TBC1D1: variants seen among roughly 807,000 people sequenced by gnomAD.
TBC1D1 encodes TBC1 (tre-2/USP6, BUB2, cdc16) domain family, member 1.
In TBC1D1, 89 loss-of-function variants were observed where a neutral mutation model predicts 125.6. The observed-to-expected ratio is 0.71, with a 90% CI of 0.60 to 0.85. TBC1D1 has a LOEUF of 0.85. TBC1D1 is among the 40% of genes least tolerant of loss of function. The pLI, the probability that TBC1D1 is intolerant of heterozygous loss-of-function variation, is 0.00. For missense variants in TBC1D1, 1,377 were observed against 1,469.2 expected (o/e 0.94, Z 1.03); for synonymous variants, 565 against 564.1 (o/e 1.00, Z -0.02).
chr4:37,917,682 CT>C (rs1720026989), intron 2 of TBC1D1, among the ~76,000 whole-genome samples: 1 of 152,102 alleles, frequency 6.6e-6, no homozygotes, highest in African/African-American at 2.4e-5. Context: ...GGATGCCGGG[CT>C]TCTCTTTCCC....
At chr4:38,027,643 A>T (rs1394186728) in intron 6 of TBC1D1, 145 bp from the exon 7 acceptor site, 8 of 505,852 alleles carry the variant, frequency 1.6e-5, no homozygotes, top group Admixed American at 7.3e-5. Flanking sequence ...GTCAAAAAAA[A>T]AAATAAAATA....
intron 15 of TBC1D1, 110 bp downstream of exon 17, chr4:38,103,267 A>G (rs978034852): frequency 1.8e-6 from 2 of 1,103,966 alleles, no homozygotes; most frequent in African/African-American, 3.2e-5. Context: ...TAGCAATCAA[A>G]ATTTACTACT....
rs16994255 is a variant in TBC1D1 at position 38,132,964 on chromosome 4, G to A, written c.3133-120G>A. The A allele has an allele frequency of 6.8e-3, 5,030 of 744,180 alleles. 181 individuals carry two copies. The African/African-American group carries it at 0.079, about 12-fold the overall frequency. 46.1% of individuals were successfully genotyped at this position (744,180 alleles called of 1,614,324 possible). ...TTATTTATTACTTCTAGTACCAAGT[G>A]TAGAGCTAAGCGTAGAGGAGACGCT... On this transcript the variant is annotated intron_variant, in intron 18 of 19. Coordinates refer to ENST00000261439, the MANE Select transcript of TBC1D1 (RefSeq NM_015173.4).
At chr4:38,066,264 AC>A (rs1170943521) in intron 12 of TBC1D1, among the ~76,000 whole-genome samples, 14 of 128,382 alleles carry the variant, frequency 1.1e-4, no homozygotes, top group African/African-American at 4.4e-4. Context: ...ATTATTAGCA[AC>A]TTTTTTTTTT....
intron 2 of TBC1D1, among the ~76,000 whole-genome samples, chr4:37,918,635 A>C (rs536499827): frequency 6.6e-6 from 1 of 152,080 alleles, no homozygotes; most frequent in Non-Finnish European, 1.5e-5. Context: ...TTTAGTAGAG[A>C]TGGGTTTTCA....
chr4:37,934,993 G>A (rs1236206147), intron 2 of TBC1D1, among the ~76,000 whole-genome samples: 2 of 152,070 alleles, frequency 1.3e-5, no homozygotes, highest in East Asian at 3.8e-4. Flanking sequence ...AATGGCAGAG[G>A]GAAAAGAGAC....
intron 15 of TBC1D1, among the ~76,000 whole-genome samples, chr4:38,103,897 C>T (rs1281114710): frequency 6.6e-6 from 1 of 151,564 alleles, no homozygotes; most frequent in Non-Finnish European, 1.5e-5. Context: ...CAGTGGCTCA[C>T]GCCTGTAATC....
chr4:37,910,870 C>T (rs1261950722), intron 2 of TBC1D1, among the ~76,000 whole-genome samples: 1 of 151,962 alleles, frequency 6.6e-6, no homozygotes, highest in Non-Finnish European at 1.5e-5. Context: ...GTTGTTGTTA[C>T]ACGTTGTATG....
intron 1 of TBC1D1, among the ~76,000 whole-genome samples, chr4:37,899,541 G>A (rs997648673): frequency 6.6e-6 from 1 of 151,760 alleles, no homozygotes; most frequent in African/African-American, 2.4e-5. Flanking sequence ...GAAGCTCTCC[G>A]GGCTTCAGTT....
At chr4:38,043,052 C>T (rs1748695024) in intron 8 of TBC1D1, among the ~76,000 whole-genome samples, 1 of 152,014 alleles carries the variant, frequency 6.6e-6, no homozygotes, top group Admixed American at 6.5e-5. Context: ...CAGGTGTGCG[C>T]CACTACACCC....
Position 38,082,486 on chromosome 4 carries a change from T to C in TBC1D1, c.2051-7446T>C, listed in dbSNP as rs570296843. Among the ~76,000 whole-genome samples, 7 of 152,358 alleles carry C rather than the reference T, an allele frequency of 4.6e-5. No homozygotes were observed. The South Asian group carries it at 1.5e-3, about 32-fold the overall frequency. On this transcript the variant is annotated intron_variant, in intron 12 of 19. Transcript: ENST00000261439. ...CTGAGGCGGAATATTTGTTTCTCTT[T>C]AGTTTTGTTGTCTTTAATCAAGAAC...
At chr4:37,952,881 T>A (rs1209641155) in intron 2 of TBC1D1, 1 of 152,244 alleles carries the variant, frequency 6.6e-6, no homozygotes, top group Non-Finnish European at 1.5e-5. Flanking sequence ...GCACAGATTA[T>A]GTGATGGTTT....
Position 38,137,481 on chromosome 4 carries a change from C to T in TBC1D1, c.*146C>T. On this transcript the variant is annotated 3_prime_UTR_variant, in exon 20 of 20. Transcript: ENST00000261439. ...TTGCCAGCAAGTAGATTCTTACGAA[C>T]TCCAACTTGCAATTCAGGGGGCATG... 2 of 1,189,506 alleles carry T rather than the reference C, an allele frequency of 1.7e-6. No individual in the cohort carries two copies. The highest frequency in any genetic ancestry group is 2.2e-6 in the Non-Finnish European group (2 of 927,168). The allele number at this position is 1,189,506 out of a possible 1,614,324, so 73.7% of individuals were successfully genotyped here.
At chr4:38,029,065 C>T (rs1209124162) in intron 7 of TBC1D1, among the ~76,000 whole-genome samples, 1 of 152,112 alleles carries the variant, frequency 6.6e-6, no homozygotes, top group Non-Finnish European at 1.5e-5. Flanking sequence ...GCTGGCATGC[C>T]TGTAGCCTGT....
chr4:37,962,080 G>T (rs991964336), intron 2 of TBC1D1, among the ~76,000 whole-genome samples: 1 of 152,124 alleles, frequency 6.6e-6, no homozygotes. Flanking sequence ...CCCCATGAGG[G>T]CAGGGACCAT....
chr4:37,972,235 ACTTTGGGAGG>A (rs1428006284), intron 2 of TBC1D1, among the ~76,000 whole-genome samples: 2 of 151,124 alleles, frequency 1.3e-5, no homozygotes, highest in African/African-American at 4.9e-5. Context: ...GTCATCTCGC[ACTTTGGGAGG>A]CTGAGGCGGG....
intron 12 of TBC1D1, among the ~76,000 whole-genome samples, chr4:38,069,218 C>T (rs532977913): frequency 2.0e-5 from 3 of 152,232 alleles, no homozygotes; most frequent in Admixed American, 6.5e-5. Flanking sequence ...GTTCATCTCA[C>T]TCCCCTTTCC....
chr4:38,110,283 GA>G, intron 15 of TBC1D1: 1 of 984,922 alleles, frequency 1.0e-6, no homozygotes, highest in Admixed American at 6.1e-5. Context: ...AGGGGCTTGT[GA>G]AAAACACATC....
At chr4:38,006,610 C>T (rs1414540339) in intron 2 of TBC1D1, among the ~76,000 whole-genome samples, 1 of 151,666 alleles carries the variant, frequency 6.6e-6, no homozygotes, top group Middle Eastern at 3.4e-3. Flanking sequence ...TCCCGAGTAG[C>T]TGGGACTACA....
Sources: gnomAD v4.1 joint callset for allele counts (sites outside exome capture counted in the v4.1 genomes callset) on GRCh38, gnomAD v4.1.1 for gene constraint, MANE v1.5 for transcripts, NCBI Gene and HGNC (gene_info 2026-07-23, HGNC 2026-07-21) for gene names.